Variants in TENT4B observed in about 807,000 individuals in gnomAD.
TENT4B encodes PAP associated domain containing 5.
In TENT4B, 10 loss-of-function variants were observed where a neutral mutation model predicts 75.0. The observed-to-expected ratio is 0.13, with a 90% CI of 0.08 to 0.23. TENT4B has a LOEUF of 0.23. Ranked by LOEUF, TENT4B falls within the 10% of genes least tolerant of loss-of-function variation. The pLI is 1.00. For synonymous variants in TENT4B, 350 were observed against 357.7 expected (o/e 0.98, Z 0.24); for missense variants, 579 against 893.8 (o/e 0.65, Z 4.49).
Position 50,191,638 on chromosome 16 carries a change from G to A in TENT4B, c.639-19685G>A, listed in dbSNP as rs117149758. 2.1e-3 allele frequency among the ~76,000 whole-genome samples: 327 copies of A among 152,274 alleles called. 14 individuals are homozygous for A. The East Asian group carries it at 0.055, about 26-fold the overall frequency. Reference sequence around the variant, plus strand: ...CAAGCCTTTAAAAATATCATTAATAGGCCAGGCGCAGTGGCTCATGCCTGT... The same window carrying A: ...CAAGCCTTTAAAAATATCATTAATAAGCCAGGCGCAGTGGCTCATGCCTGT... On this transcript the variant is annotated intron_variant, in intron 1 of 11. Coordinates refer to ENST00000561678, the MANE Select transcript of TENT4B (RefSeq NM_001365324.3).
intron 1 of TENT4B, among the ~76,000 whole-genome samples, chr16:50,160,415 A>G (rs1456914276): frequency 6.6e-6 from 1 of 152,194 alleles, no homozygotes; most frequent in Non-Finnish European, 1.5e-5. Context: ...TGGTCACACA[A>G]AAGGCTTACT....
rs1207573708 is a variant in TENT4B at position 50,231,722 on chromosome 16, A to G, written c.*2394A>G. The G allele has an allele frequency of 2.0e-6, 2 of 985,722 alleles. No individual in the cohort carries two copies. The highest frequency in any genetic ancestry group is 1.7e-5 in the African/African-American group (1 of 57,244). 61.1% of individuals were successfully genotyped at this position (985,722 alleles called of 1,614,324 possible). A position where few individuals can be genotyped will look rare whatever the true frequency, so the allele number is the denominator to read the frequency against. Reference sequence around the variant, plus strand: ...GAAGGAGAAATTGAGGTGTGTATACATTTCCTCAAATGACCAGCATTGTAT... The same window carrying G: ...GAAGGAGAAATTGAGGTGTGTATACGTTTCCTCAAATGACCAGCATTGTAT... On this transcript the variant is annotated 3_prime_UTR_variant, in exon 12 of 12. Coordinates refer to ENST00000561678, the MANE Select transcript of TENT4B (RefSeq NM_001365324.3).
intron 1 of TENT4B, among the ~76,000 whole-genome samples, chr16:50,198,792 A>G (rs2030448648): frequency 6.6e-6 from 1 of 152,234 alleles, no homozygotes; most frequent in South Asian, 2.1e-4. Flanking sequence ...TAGATTTTAC[A>G]TGAATTTTAA....
At chr16:50,179,349 G>A (rs926050028) in intron 1 of TENT4B, among the ~76,000 whole-genome samples, 4 of 152,126 alleles carry the variant, frequency 2.6e-5, no homozygotes, top group Admixed American at 6.5e-5. Flanking sequence ...GCAACAAAGC[G>A]CAACTCCGTC....
At chr16:50,222,459 T>A (rs1301043857) in intron 6 of TENT4B, 25 bp downstream of exon 6, 2 of 1,602,522 alleles carry the variant, frequency 1.2e-6, no homozygotes, top group South Asian at 2.3e-5. Context: ...TATAGCATGC[T>A]AGTGCACACT....
intron 1 of TENT4B, among the ~76,000 whole-genome samples, chr16:50,184,107 G>A (rs773553411): frequency 7.9e-5 from 12 of 152,030 alleles, no homozygotes; most frequent in East Asian, 5.8e-4. Flanking sequence ...TTGTCTCCAC[G>A]GATTTGACTG....
At chr16:50,206,442 T>C (rs996532163) in intron 1 of TENT4B, among the ~76,000 whole-genome samples, 2 of 150,956 alleles carry the variant, frequency 1.3e-5, no homozygotes, top group African/African-American at 2.4e-5. Flanking sequence ...TTGACAGTTA[T>C]CGAATAGAAC....
chr16:50,190,792 C>T (rs1301437783), intron 1 of TENT4B, among the ~76,000 whole-genome samples: 1 of 152,042 alleles, frequency 6.6e-6, no homozygotes, highest in Non-Finnish European at 1.5e-5. Flanking sequence ...GCAATTATCA[C>T]CACCATCTGT....
chr16:50,221,162 C>T (rs370101028), intron 5 of TENT4B, among the ~76,000 whole-genome samples: 49 of 151,944 alleles, frequency 3.2e-4, no homozygotes, highest in African/African-American at 1.1e-3. Flanking sequence ...GGGCTGAGGT[C>T]GGAGGATCAC....
intron 1 of TENT4B, among the ~76,000 whole-genome samples, chr16:50,201,659 A>G (rs1187416825): frequency 6.6e-6 from 1 of 152,066 alleles, no homozygotes; most frequent in African/African-American, 2.4e-5. Context: ...CCTGGCGAAC[A>G]TGGCGAAACC....
At chr16:50,224,861 C>G in intron 8 of TENT4B, 30 bp from the exon 9 acceptor site, 3 of 1,611,476 alleles carry the variant, frequency 1.9e-6, no homozygotes, top group Non-Finnish European at 2.5e-6. Flanking sequence ...GTTATTCCCT[C>G]CCTCTCCCTT....
At chr16:50,220,569 C>G (rs2031781380) in intron 5 of TENT4B, among the ~76,000 whole-genome samples, 1 of 152,124 alleles carries the variant, frequency 6.6e-6, no homozygotes, top group Admixed American at 6.6e-5. Flanking sequence ...TGCTCTGTCA[C>G]TCAGGCTGGA....
chr16:50,177,532 A>G (rs2038333735), intron 1 of TENT4B, among the ~76,000 whole-genome samples: 2 of 151,908 alleles, frequency 1.3e-5, no homozygotes, highest in Admixed American at 1.3e-4. Context: ...CCTTCATAAT[A>G]TTTCTTTGTT....
At chr16:50,156,335 A>G (rs933759158) in intron 1 of TENT4B, among the ~76,000 whole-genome samples, 2 of 128,664 alleles carry the variant, frequency 1.6e-5, no homozygotes, top group Admixed American at 1.9e-4. Flanking sequence ...GCTTTGATTC[A>G]TGTATTCTGA....
chr16:50,219,877 G>A (rs1181264346), intron 5 of TENT4B, among the ~76,000 whole-genome samples: 11 of 150,386 alleles, frequency 7.3e-5, no homozygotes, highest in East Asian at 1.9e-4. Flanking sequence ...AGGCTAGAGC[G>A]CAGTGATCAT....
intron 1 of TENT4B, among the ~76,000 whole-genome samples, chr16:50,206,649 C>T (rs1027995580): frequency 1.3e-5 from 2 of 151,996 alleles, no homozygotes; most frequent in Non-Finnish European, 2.9e-5. Flanking sequence ...AGCAGAGGGG[C>T]TGGCCGTGGG....
chr16:50,175,902 C>G (rs1049266102), intron 1 of TENT4B, among the ~76,000 whole-genome samples: 1 of 152,006 alleles, frequency 6.6e-6, no homozygotes, highest in Non-Finnish European at 1.5e-5. Context: ...CTTGCTTCAG[C>G]CTCCTGAGTA....
In TENT4B at chr16:50,234,690, T is replaced by G. The variant is rs2032394367; in HGVS notation, c.*5362T>G. 1.0e-6 allele frequency: 1 copy of G among 985,344 alleles called. No homozygotes were observed. Among genetic ancestry groups the G allele is most frequent in the Non-Finnish European group, 1.2e-6 (1 of 829,946 alleles). 61.0% of individuals were successfully genotyped at this position (985,344 alleles called of 1,614,324 possible). On this transcript the variant is annotated 3_prime_UTR_variant, in exon 12 of 12. Transcript: ENST00000561678. ...TCCTAAAATAAATCACAAGCTTGTT[T>G]GTTAGACGTGTCAAGAGTCTCCAGT... is the stretch of plus-strand genomic sequence containing the variant.
intron 11 of TENT4B, among the ~76,000 whole-genome samples, chr16:50,228,671 C>T (rs1427863125): frequency 6.6e-6 from 1 of 152,190 alleles, no homozygotes; most frequent in Non-Finnish European, 1.5e-5. Context: ...CGGCCTTAGC[C>T]ATGTATGCCA....
Sources: gnomAD v4.1 joint callset for allele counts (sites outside exome capture counted in the v4.1 genomes callset) on GRCh38, gnomAD v4.1.1 for gene constraint, MANE v1.5 for transcripts, NCBI Gene and HGNC (gene_info 2026-07-23, HGNC 2026-07-21) for gene names.